The following CFAP47 variants were observed in gnomAD, a reference collection of about 807,000 sequenced individuals.
The protein encoded by CFAP47 is cilia- and flagella-associated protein 47.
A neutral mutation model predicts 148.1 loss-of-function variants in CFAP47; 29 were observed. That is an observed-to-expected ratio of 0.20 (90% CI 0.15 to 0.27). CFAP47 has a LOEUF of 0.27. Ranked by LOEUF, CFAP47 falls within the 10% of genes least tolerant of loss-of-function variation. The pLI, the probability that CFAP47 is intolerant of heterozygous loss-of-function variation, is 1.00. For missense variants in CFAP47, 1,872 were observed against 1,697.5 expected (o/e 1.10, Z -1.81); for synonymous variants, 664 against 577.3 (o/e 1.15, Z -2.15).
intron 33 of CFAP47, among the ~76,000 whole-genome samples, chrX:36,133,381 G>C (rs1005667903): frequency 9.0e-6 from 1 of 110,991 alleles, no homozygotes; most frequent in Non-Finnish European, 1.9e-5. Flanking sequence ...GTTTATTTGG[G>C]TCATGACTCT....
chrX:36,098,882 A>T lies in CFAP47; in HGVS notation c.4998+8A>T, dbSNP rs182478361. 2,865 of 1,049,526 alleles carry T rather than the reference A, an allele frequency of 2.7e-3. 9 individuals carry two copies. The highest frequency in any genetic ancestry group is 3.1e-3 in the Non-Finnish European group (2,377 of 759,584). 86.5% of individuals were successfully genotyped at this position (1,049,526 alleles called of 1,213,427 possible). The stretch of plus-strand genomic sequence containing the variant: ...AGGTGGATTGAAATTATGGTAAGAA[A>T]ATATAATTTCTTGGAACAAACCACA... On this transcript the variant is annotated splice_region_variant and intron_variant, in intron 31 of 63. Transcript: ENST00000378653.
At position 36,032,558 on chromosome X, in the gene CFAP47, T is replaced by TGAC. The variant is rs766516927; in HGVS notation, c.3651+1212_3651+1214dup. ...TATATTTTGCTTAAAATTACCAAGTTGACTAATGGAAGAATTTTAAAATTT... is the reference window on the plus strand; with the variant it reads ...TATATTTTGCTTAAAATTACCAAGTTGACGACTAATGGAAGAATTTTAAAATTT... On this transcript the variant is annotated intron_variant, in intron 23 of 63. Coordinates refer to ENST00000378653, the MANE Select transcript of CFAP47 (RefSeq NM_001304548.2). Among the ~76,000 whole-genome samples the TGAC allele has an allele frequency of 5.3e-3, 584 of 110,970 alleles. 6 individuals carry two copies. The highest frequency in any genetic ancestry group is 0.018 in the African/African-American group (559 of 30,663).
chrX:36,079,083 G>A (rs1424999123), intron 29 of CFAP47, among the ~76,000 whole-genome samples: 3 of 111,568 alleles, frequency 2.7e-5, no homozygotes, highest in African/African-American at 9.8e-5. Flanking sequence ...TGGGTAACCC[G>A]ACCTTTCTCT....
chrX:36,306,767 C>T lies in CFAP47; in HGVS notation c.8083-5C>T. The T allele has an allele frequency of 8.8e-7, 1 of 1,132,041 alleles. No individual in the cohort carries two copies. Among genetic ancestry groups the T allele is most frequent in the Non-Finnish European group, 1.2e-6 (1 of 845,441 alleles). The allele number at this position is 1,132,041 out of a possible 1,213,427, so 93.3% of individuals were successfully genotyped here. A position where few individuals can be genotyped will look rare whatever the true frequency, so the allele number is the denominator to read the frequency against. On this transcript the variant is annotated splice_region_variant and splice_polypyrimidine_tract_variant and intron_variant, in intron 54 of 63. Transcript: ENST00000378653. ...GTTCCCCCTTTGCTTTTTCCATTTA[C>T]ACAGCTGATCATATCTCCTCACTCC... is the stretch of plus-strand genomic sequence containing the variant.
intron 4 of CFAP47, 74 bp from the exon 5 acceptor site, chrX:35,951,057 G>C: frequency 1.4e-6 from 1 of 709,533 alleles, no homozygotes; most frequent in Non-Finnish European, 2.1e-6. Flanking sequence ...TTGTCGAAAT[G>C]TGTGGGAGAA....
chrX:36,290,659 G>A (rs140305031), intron 51 of CFAP47, among the ~76,000 whole-genome samples: 1,449 of 112,281 alleles, frequency 0.013, 20 homozygotes, highest in African/African-American at 0.045. Flanking sequence ...CCTGACATCA[G>A]CAATATAAAA....
At chrX:36,275,343 G>A (rs868914071) in intron 49 of CFAP47, among the ~76,000 whole-genome samples, 2 of 109,146 alleles carry the variant, frequency 1.8e-5, no homozygotes, top group Middle Eastern at 4.6e-3. Context: ...CAAAGTGCTG[G>A]GACTACAGGC....
intron 8 of CFAP47, among the ~76,000 whole-genome samples, chrX:35,962,926 GGTGTGTGTGT>G (rs59734260): frequency 0.028 from 2,547 of 90,761 alleles, 86 homozygotes; most frequent in African/African-American, 0.096. Context: ...AATAAAATGT[GGTGTGTGTGT>G]GTGTGTGTGT....
At chrX:35,926,645 C>G (rs750108782) in intron 2 of CFAP47, among the ~76,000 whole-genome samples, 3 of 109,752 alleles carry the variant, frequency 2.7e-5, no homozygotes, top group Non-Finnish European at 5.6e-5. Context: ...TTCTGTTCAT[C>G]ATAAATTTAT....
intron 21 of CFAP47, among the ~76,000 whole-genome samples, chrX:36,008,146 G>T (rs1465599168): frequency 1.8e-5 from 2 of 111,185 alleles, no homozygotes; most frequent in Admixed American, 9.6e-5. Context: ...AATTCATCAT[G>T]ACTCAGATTC....
intron 26 of CFAP47, among the ~76,000 whole-genome samples, chrX:36,047,739 G>T (rs909270202): frequency 3.6e-5 from 4 of 111,730 alleles, no homozygotes; most frequent in African/African-American, 1.3e-4. Context: ...ACATTTAGAG[G>T]CGTCATTTGT....
chrX:36,272,977 A>G (rs190692888), intron 49 of CFAP47, among the ~76,000 whole-genome samples: 131 of 111,120 alleles, frequency 1.2e-3, no homozygotes, highest in African/African-American at 4.0e-3. Context: ...GCCACTTACT[A>G]ACTGTGTGAT....
intron 33 of CFAP47, among the ~76,000 whole-genome samples, chrX:36,125,260 C>T (rs1382403821): frequency 9.0e-6 from 1 of 111,444 alleles, no homozygotes; most frequent in Non-Finnish European, 1.9e-5. Context: ...TAGCACTGTT[C>T]TAGGGATTAG....
Position 36,371,678 on chromosome X carries a change from A to G in CFAP47, c.9185+4551A>G, listed in dbSNP as rs782194517. On this transcript the variant is annotated intron_variant, in intron 62 of 63. Coordinates refer to ENST00000378653, the MANE Select transcript of CFAP47 (RefSeq NM_001304548.2). The stretch of plus-strand genomic sequence containing the variant: ...TATGTGTGTATATACACACATGTGT[A>G]TATATGTGTGTATATACACACATGT... 5.0e-4 allele frequency among the ~76,000 whole-genome samples: 37 copies of G among 73,268 alleles called. 1 individual carries two copies. Among genetic ancestry groups the G allele is most frequent in the African/African-American group, 1.1e-3 (18 of 15,885 alleles). The allele number at this position is 73,268 out of a possible 115,157, so 63.6% of individuals were successfully genotyped here.
chrX:36,037,041 A>G (rs1329666640), intron 24 of CFAP47, among the ~76,000 whole-genome samples: 2 of 111,907 alleles, frequency 1.8e-5, no homozygotes, highest in East Asian at 5.6e-4. Flanking sequence ...GCATTCTGAA[A>G]TTTGTTTAGT....
At chrX:36,245,932 A>G (rs1033814242) in intron 48 of CFAP47, among the ~76,000 whole-genome samples, 13 of 111,752 alleles carry the variant, frequency 1.2e-4, no homozygotes, top group African/African-American at 3.2e-4. Context: ...ATTGATGAAC[A>G]ATTTAAAGGT....
At chrX:36,150,534 C>G (rs752795654) in intron 37 of CFAP47, among the ~76,000 whole-genome samples, 2 of 111,846 alleles carry the variant, frequency 1.8e-5, no homozygotes, top group African/African-American at 6.5e-5. Flanking sequence ...TTGATTATCT[C>G]TTTGGATTTT....
intron 23 of CFAP47, among the ~76,000 whole-genome samples, chrX:36,035,454 T>A (rs776768925): frequency 8.9e-6 from 1 of 111,772 alleles, no homozygotes; most frequent in African/African-American, 3.2e-5. Context: ...TAAGTTTACA[T>A]AAGATCTTTG....
In CFAP47 at chrX:36,085,346, C is replaced by T; in HGVS notation, c.4724C>T (p.Thr1575Ile). The T allele has an allele frequency of 3.3e-6, 4 of 1,203,404 alleles. No individual in the cohort carries two copies. Among genetic ancestry groups the T allele is most frequent in the Non-Finnish European group, 3.4e-6 (3 of 889,476 alleles). Residue 1575 changes from threonine (T) to isoleucine (I), a missense_variant, in exon 30 of 64, where the codon ACC becomes ATC. Thr to Ile is a moderately conservative substitution (Grantham distance 89). Transcript: ENST00000378653. ...DVYKMQFYSS[T>I]SPPQKFSRQN... ...TATAAAATGCAATTCTACTCATCAACCTCGCCACCCCAAAAGTTTTCCAGA... is the reference window on the plus strand; with the variant it reads ...TATAAAATGCAATTCTACTCATCAATCTCGCCACCCCAAAAGTTTTCCAGA...
Sources: gnomAD v4.1 joint callset for allele counts (sites outside exome capture counted in the v4.1 genomes callset) on GRCh38, gnomAD v4.1.1 for gene constraint, MANE v1.5 for transcripts, NCBI Gene and HGNC (gene_info 2026-07-23, HGNC 2026-07-21) for gene names.